SLC39A10: variants seen among roughly 807,000 people sequenced by gnomAD.
SLC39A10 encodes solute carrier family 39 member 10.
In SLC39A10, 13 loss-of-function variants were observed where a neutral mutation model predicts 65.1. The observed-to-expected ratio is 0.20, with a 90% CI of 0.13 to 0.32. SLC39A10 has a LOEUF of 0.32. SLC39A10 is among the 10% of genes least tolerant of loss of function. The pLI, the probability that SLC39A10 is intolerant of heterozygous loss-of-function variation, is 1.00. For missense variants in SLC39A10, 831 were observed against 1,018.4 expected (o/e 0.82, Z 2.50); for synonymous variants, 321 against 342.2 (o/e 0.94, Z 0.68).
rs1183698330 is a variant in SLC39A10 at position 195,735,940 on chromosome 2, A to G, written c.*899A>G. 2 of 152,122 alleles carry G rather than the reference A, an allele frequency of 1.3e-5. No homozygotes were observed. The highest frequency in any genetic ancestry group is 2.9e-5 in the Non-Finnish European group (2 of 68,032). The allele number at this position is 152,122 out of a possible 1,614,324, so 9.4% of individuals were successfully genotyped here. A position where few individuals can be genotyped will look rare whatever the true frequency, so the allele number is the denominator to read the frequency against. ...AAATAGTTGATTTTCCTATTTTAAC[A>G]GTACCAACTAGTTAATTGGGAAATG... On this transcript the variant is annotated 3_prime_UTR_variant, in exon 10 of 10. Transcript: ENST00000359634.
chr2:195,698,377 G>A (rs1691052085), intron 3 of SLC39A10, among the ~76,000 whole-genome samples: 1 of 152,074 alleles, frequency 6.6e-6, no homozygotes, highest in Non-Finnish European at 1.5e-5. Context: ...AGTGATGAAA[G>A]CAAGCATCCT....
intron 9 of SLC39A10, among the ~76,000 whole-genome samples, chr2:195,730,737 TA>T (rs1692408917): frequency 6.6e-6 from 1 of 152,214 alleles, no homozygotes; most frequent in Non-Finnish European, 1.5e-5. Context: ...CTTGAATGTC[TA>T]AAAGGCATTG....
chr2:195,732,381 G>T (rs902615977), intron 9 of SLC39A10, among the ~76,000 whole-genome samples: 2 of 152,136 alleles, frequency 1.3e-5, no homozygotes, highest in African/African-American at 4.8e-5. Context: ...ACTTTGGGTG[G>T]TGCTGTTTAT....
At chr2:195,714,273 C>T (rs1437553021) in intron 6 of SLC39A10, among the ~76,000 whole-genome samples, 1 of 151,964 alleles carries the variant, frequency 6.6e-6, no homozygotes, top group East Asian at 1.9e-4. Context: ...GCTAGTGTCT[C>T]CTCCTATGAA....
intron 2 of SLC39A10, among the ~76,000 whole-genome samples, chr2:195,614,384 T>C (rs1240719693): frequency 6.6e-6 from 1 of 152,218 alleles, no homozygotes; most frequent in Non-Finnish European, 1.5e-5. Context: ...AAATTAAGCA[T>C]GTAAGCTCTA....
chr2:195,644,715 G>A (rs1296458113), intron 2 of SLC39A10, among the ~76,000 whole-genome samples: 1 of 151,604 alleles, frequency 6.6e-6, no homozygotes, highest in Admixed American at 6.6e-5. Context: ...TGAGGTGGAA[G>A]GATCACTTGA....
intron 6 of SLC39A10, among the ~76,000 whole-genome samples, chr2:195,716,426 A>T (rs990588042): frequency 6.6e-6 from 1 of 151,892 alleles, no homozygotes; most frequent in South Asian, 2.1e-4. Context: ...TTGTGTGTGT[A>T]TGTTTGTTTT....
chr2:195,727,505 T>C (rs1692287013), intron 8 of SLC39A10, among the ~76,000 whole-genome samples: 1 of 147,782 alleles, frequency 6.8e-6, no homozygotes. Context: ...ATTTTTAGAA[T>C]TTTCAGGATT....
chr2:195,675,104 TAA>T (rs1690031143), intron 1 of SLC39A10, among the ~76,000 whole-genome samples: 1 of 152,000 alleles, frequency 6.6e-6, no homozygotes, highest in Non-Finnish European at 1.5e-5. Context: ...CAAAGATACG[TAA>T]AGAGAGGCTT....
intron 3 of SLC39A10, among the ~76,000 whole-genome samples, chr2:195,695,267 G>A (rs1189710111): frequency 6.6e-6 from 1 of 152,208 alleles, no homozygotes; most frequent in South Asian, 2.1e-4. Context: ...CTTGGGTGGG[G>A]CTTCCTGTGG....
intron 2 of SLC39A10, among the ~76,000 whole-genome samples, chr2:195,681,441 C>T (rs960105333): frequency 2.0e-5 from 3 of 152,116 alleles, no homozygotes; most frequent in Admixed American, 6.5e-5. Flanking sequence ...TGGAGAATCA[C>T]TTGAACCCGG....
At chr2:195,720,242 T>TTACCAA (rs1490625309) in intron 8 of SLC39A10, among the ~76,000 whole-genome samples, 12 of 152,240 alleles carry the variant, frequency 7.9e-5, no homozygotes, top group African/African-American at 2.7e-4. Flanking sequence ...TTTTTCTTTT[T>TTACCAA]TACCAAGGTA....
In SLC39A10 at chr2:195,707,901, T is replaced by G. The variant is rs1185439646; in HGVS notation, c.1387-755T>G. On this transcript the variant is annotated intron_variant, in intron 4 of 9. Transcript: ENST00000359634. ...AAATTTTAGAACGAAGAAAGATACCTAAGTGCAGTTATCTAACTTATGTTC... is the reference window on the plus strand; with the variant it reads ...AAATTTTAGAACGAAGAAAGATACCGAAGTGCAGTTATCTAACTTATGTTC... Among the ~76,000 whole-genome samples, 4 of 152,210 alleles carry G rather than the reference T, an allele frequency of 2.6e-5. No homozygotes were observed. The East Asian group carries it at 7.7e-4, about 29-fold the overall frequency.
At chr2:195,683,943 T>A in intron 3 of SLC39A10, 37 bp downstream of exon 3, 1 of 1,355,368 alleles carries the variant, frequency 7.4e-7, no homozygotes, top group South Asian at 1.3e-5. Flanking sequence ...CTTAAAATAG[T>A]ACCTGTACTT....
chr2:195,709,704 T>C (rs937885558), intron 5 of SLC39A10, among the ~76,000 whole-genome samples: 3 of 152,210 alleles, frequency 2.0e-5, no homozygotes, highest in Non-Finnish European at 4.4e-5. Flanking sequence ...TTTTTGTTAC[T>C]ACATTTATTT....
intron 1 of SLC39A10, among the ~76,000 whole-genome samples, chr2:195,662,056 G>A (rs1190683713): frequency 6.6e-6 from 1 of 152,158 alleles, no homozygotes; most frequent in African/African-American, 2.4e-5. Flanking sequence ...GTTGTAGGAT[G>A]TATCCTTATT....
chr2:195,634,498 A>G (rs1688659387), intron 2 of SLC39A10, among the ~76,000 whole-genome samples: 2 of 152,132 alleles, frequency 1.3e-5, no homozygotes. Flanking sequence ...TGCCTTGTTA[A>G]ATGACTTGTA....
At position 195,717,049 on chromosome 2, in the gene SLC39A10, A is replaced by G. The variant is rs773384879; in HGVS notation, c.2065+44A>G. ...ACTGTCTATGCTAATCTTATGGACTATAATATGTATGATTAAATTTGGCTG... is the reference window on the plus strand; with the variant it reads ...ACTGTCTATGCTAATCTTATGGACTGTAATATGTATGATTAAATTTGGCTG... On this transcript the variant is annotated intron_variant, in intron 7 of 9. Transcript: ENST00000359634. 5.8e-6 allele frequency: 9 copies of G among 1,563,632 alleles called. No individual in the cohort carries two copies. The Admixed American group carries it at 9.4e-5, about 16-fold the overall frequency.
At position 195,713,544 on chromosome 2, in the gene SLC39A10, C is replaced by T. The variant is rs758736832; in HGVS notation, c.1687C>T (p.Pro563Ser). 2.6e-6 allele frequency: 4 copies of T among 1,555,746 alleles called. No homozygotes were observed. The highest frequency in any genetic ancestry group is 2.4e-5 in the East Asian group (1 of 41,272). ...AGATTCTGACTGGCTTCAACTCAAGCCTCTTGCCGGTAGACAGCAATTCTG... is the reference window on the plus strand; with the variant it reads ...AGATTCTGACTGGCTTCAACTCAAGTCTCTTGCCGGTAGACAGCAATTCTG... ...TPDSDWLQLK[P>S]LAGTDDSVVS... Residue 563 changes from proline (P) to serine (S), a missense_variant, in exon 6 of 10, where the codon CCT (proline) becomes TCT (serine). By Grantham distance (74) the Pro-to-Ser change is moderately conservative (BLOSUM62 -1). This residue lies in a region of SLC39A10 where 230 missense variants were observed against 242.9 expected (regional missense o/e 0.95). Transcript: ENST00000359634.
Sources: gnomAD v4.1 joint callset for allele counts (sites outside exome capture counted in the v4.1 genomes callset) on GRCh38, gnomAD v4.1.1 for gene constraint, gnomAD v4.1.1 regional missense constraint, MANE v1.5 for transcripts, NCBI Gene and HGNC (gene_info 2026-07-23, HGNC 2026-07-21) for gene names.